The following REG3G variants were observed in gnomAD, a reference collection of about 807,000 sequenced individuals.
REG3G encodes the protein regenerating family member 3 gamma.
REG3G carries 19 observed loss-of-function variants against 20.9 expected under a neutral mutation model. The observed-to-expected ratio is 0.91, with a 90% CI of 0.64 to 1.34. The LOEUF (loss-of-function observed/expected upper bound fraction) is 1.34. Among genes scored for constraint, REG3G ranks in the 40% most tolerant of loss-of-function variants. The probability of loss-of-function intolerance (pLI) is 0.00; values close to 1 mark genes in which losing one functional copy is unlikely to be tolerated. For missense variants in REG3G, 235 were observed against 205.0 expected, an observed-to-expected ratio of 1.15 and a Z score of -0.89; for synonymous variants, 89 against 77.4, an observed-to-expected ratio of 1.15 and a Z score of -0.79.
At chr2:79,025,872 CT>C (rs1406286493) in intron 1 of REG3G, 99 bp downstream of exon 1, 2 of 538,708 alleles carry the variant, frequency 3.7e-6, no homozygotes, top group Non-Finnish European at 6.7e-6. Context: ...AGCACAGGAG[CT>C]CTGAGACTCA....
In REG3G at chr2:79,026,041, C is replaced by T. The variant is rs1671608683; in HGVS notation, c.-53C>T. ...GCAGTAGGATATCTGTGTGTCCTCC[C>T]GCTGACCACACTTCCTTTAGTGACC... On this transcript the variant is annotated 5_prime_UTR_variant, in exon 2 of 6. Transcript: ENST00000272324. 5 of 1,562,044 alleles carry T rather than the reference C, an allele frequency of 3.2e-6. No individual in the cohort carries two copies. Among genetic ancestry groups the T allele is most frequent in the African/African-American group, 1.4e-5 (1 of 73,928 alleles).
At chr2:79,027,576 A>G (rs1671656561) in intron 4 of REG3G, among the ~76,000 whole-genome samples, 1 of 152,174 alleles carries the variant, frequency 6.6e-6, no homozygotes. Flanking sequence ...TTCTGCAAGT[A>G]ACATATTACC....
rs1402639157 is a variant in REG3G, at chr2:79,027,143, T to C, written c.305T>C (p.Ile102Thr). Residue 102 changes from isoleucine to threonine, a missense_variant, in exon 4 of 6, where the codon ATC (isoleucine) becomes ACC (threonine). By Grantham distance (89) the Ile-to-Thr change is moderately conservative. Coordinates refer to ENST00000272324, the MANE Select transcript of REG3G (RefSeq NM_001008387.3). ...VRSISNSYSYIWIGLHDPTQG... is the reference protein window; with the variant it reads ...VRSISNSYSYTWIGLHDPTQG... The stretch of plus-strand genomic sequence containing the variant: ...AGCATTAGTAACAGCTATTCATACA[T>C]CTGGATTGGGCTCCATGACCCCACA... 1.9e-6 allele frequency: 3 copies of C among 1,613,826 alleles called. No individual in the cohort carries two copies. Among genetic ancestry groups the C allele is most frequent in the African/African-American group, 2.7e-5 (2 of 75,014 alleles).
chr2:79,026,254 G>C (rs1671617192), intron 2 of REG3G, 85 bp downstream of exon 2: 1 of 1,328,438 alleles, frequency 7.5e-7, no homozygotes, highest in Non-Finnish European at 1.1e-6. Context: ...TGTCACGTGA[G>C]GTAATGACGT....
rs779799276 is a variant in REG3G at position 79,026,140 on chromosome 2, C to T, written c.47C>T (p.Ser16Phe). The change falls in exon 2 of 6, where the codon TCC becomes TTC. Residue 16 changes from serine (S) to phenylalanine (F), a missense_variant. Coordinates refer to ENST00000272324, the MANE Select transcript of REG3G (RefSeq NM_001008387.3). ...ALPSVSWMLL[S>F]CLILLCQVQG... ...CCCAGTGTGTCCTGGATGCTGCTTT[C>T]CTGCCTCATTCTCCTGTGTCAGGTT... The T allele has an allele frequency of 2.8e-5, 45 of 1,613,878 alleles. No homozygotes were observed. The highest frequency in any genetic ancestry group is 1.7e-5 in the Admixed American group (1 of 59,992).
chr2:79,027,686 T>A lies in REG3G; in HGVS notation c.334-121T>A, dbSNP rs1173731557. 4.5e-6 allele frequency: 5 copies of A among 1,110,120 alleles called. No homozygotes were observed. In the Admixed American group the frequency reaches 6.2e-5, roughly 14 times the overall value. 68.8% of individuals were successfully genotyped at this position (1,110,120 alleles called of 1,614,324 possible). A position where few individuals can be genotyped will look rare whatever the true frequency, so the allele number is the denominator to read the frequency against. On this transcript the variant is annotated intron_variant, in intron 4 of 5. Coordinates refer to ENST00000272324, the MANE Select transcript of REG3G (RefSeq NM_001008387.3). ...CAGTGCAGAGGACTCTAGGGCAGCATCTGGAAGATCAGACCAAAATCCCTG... is the reference window on the plus strand; with the variant it reads ...CAGTGCAGAGGACTCTAGGGCAGCAACTGGAAGATCAGACCAAAATCCCTG...
In REG3G at chr2:79,026,144, C is replaced by A. The variant is rs760412018; in HGVS notation, c.51C>A (p.Cys17Ter). 2 of 1,613,862 alleles carry A rather than the reference C, an allele frequency of 1.2e-6. No homozygotes were observed. The highest frequency in any genetic ancestry group is 2.7e-5 in the African/African-American group (2 of 74,926). Reference sequence around the variant, plus strand: ...GTGTGTCCTGGATGCTGCTTTCCTGCCTCATTCTCCTGTGTCAGGTTCAAG... The same window carrying A: ...GTGTGTCCTGGATGCTGCTTTCCTGACTCATTCTCCTGTGTCAGGTTCAAG... The part of the protein sequence containing the change: ...LPSVSWMLLS[C>*]LILLCQVQGE... The change falls in exon 2 of 6, where the codon TGC becomes TGA. Residue 17 changes from cysteine (C) to a stop codon, truncating the protein, a stop_gained. Coordinates refer to ENST00000272324, the MANE Select transcript of REG3G (RefSeq NM_001008387.3). LOFTEE classifies it high-confidence loss of function.
chr2:79,026,299 A>T, intron 2 of REG3G, 130 bp downstream of exon 2: 1 of 853,606 alleles, frequency 1.2e-6, no homozygotes, highest in Non-Finnish European at 1.9e-6. Context: ...TTCCTGCATC[A>T]TCACTCCTTC....
At chr2:79,027,619 T>G (rs888501386) in intron 4 of REG3G, among the ~76,000 whole-genome samples, 188 bp from the exon 5 acceptor site, 2 of 152,152 alleles carry the variant, frequency 1.3e-5, no homozygotes, top group Non-Finnish European at 2.9e-5. Context: ...TGTTTATTGG[T>G]TGGGATTTTC....
chr2:79,026,145 C>T lies in REG3G; in HGVS notation c.52C>T (p.Leu18Phe). ...TGTGTCCTGGATGCTGCTTTCCTGC[C>T]TCATTCTCCTGTGTCAGGTTCAAGG... is the stretch of plus-strand genomic sequence containing the variant. ...PSVSWMLLSC[L>F]ILLCQVQGEE... is the part of the protein sequence containing the mutation. Residue 18 changes from leucine to phenylalanine, a missense_variant, in exon 2 of 6, where the codon CTC becomes TTC. Physicochemically the swap from Leu to Phe is conservative, Grantham distance 22. Coordinates refer to ENST00000272324, the MANE Select transcript of REG3G (RefSeq NM_001008387.3). 1.9e-6 allele frequency: 3 copies of T among 1,614,002 alleles called. No homozygotes were observed. Among genetic ancestry groups the T allele is most frequent in the Non-Finnish European group, 2.5e-6 (3 of 1,179,888 alleles).
Position 79,027,942 on chromosome 2 carries a change from C to G in REG3G, c.460+9C>G, listed in dbSNP as rs1376258569. On this transcript the variant is annotated intron_variant, in intron 5 of 5. Transcript: ENST00000272324. ...CCTGTCAAGAAGCACAGGTAAGAAACAGAAGAGCTGCCTCTTCCCAGCACT... is the reference window on the plus strand; with the variant it reads ...CCTGTCAAGAAGCACAGGTAAGAAAGAGAAGAGCTGCCTCTTCCCAGCACT... The G allele has an allele frequency of 1.9e-6, 3 of 1,613,678 alleles. No homozygotes were observed. In the African/African-American group the frequency reaches 4.0e-5, roughly 22 times the overall value.
Position 79,028,421 on chromosome 2 carries a change from T to C in REG3G, c.*145T>C. ...TCATGATCCTCCTTCTTTTTCCTTT[T>C]TCTTCACCTTCATTTCAGGCTTTTC... is the stretch of plus-strand genomic sequence containing the variant. On this transcript the variant is annotated 3_prime_UTR_variant, in exon 6 of 6. Coordinates refer to ENST00000272324, the MANE Select transcript of REG3G (RefSeq NM_001008387.3). 1 of 578,728 alleles carries C rather than the reference T, an allele frequency of 1.7e-6. No homozygotes were observed. Among genetic ancestry groups the C allele is most frequent in the Non-Finnish European group, 3.1e-6 (1 of 321,028 alleles). 35.8% of individuals were successfully genotyped at this position (578,728 alleles called of 1,614,324 possible). A position where few individuals can be genotyped will look rare whatever the true frequency, so the allele number is the denominator to read the frequency against.
intron 3 of REG3G, 41 bp from the exon 4 acceptor site, chr2:79,026,993 G>A (rs1671639898): frequency 1.9e-6 from 3 of 1,613,098 alleles, no homozygotes; most frequent in Non-Finnish European, 2.5e-6. Flanking sequence ...CTCCCTCAGT[G>A]GGTCTCAGGC....
In REG3G at chr2:79,026,735, G is replaced by A. The variant is rs757321738; in HGVS notation, c.99G>A (p.Leu33=). ...CAGGTGAAGAAACCCAGAAGGAACT[G>A]CCCTCTCCACGGATCAGCTGTCCCA... ...QVQGEETQKE[L]PSPRISCPKG... The change falls in exon 3 of 6, where the codon CTG becomes CTA. Residue 33 remains leucine, a synonymous_variant. Transcript: ENST00000272324. 3.1e-6 allele frequency: 5 copies of A among 1,613,738 alleles called. No individual in the cohort carries two copies. The Admixed American group carries it at 8.3e-5, about 27-fold the overall frequency.
chr2:79,026,397 T>A, intron 2 of REG3G: 1 of 602,678 alleles, frequency 1.7e-6, no homozygotes. Flanking sequence ...GACTCTAATA[T>A]ACACTGGTGG....
intron 4 of REG3G, among the ~76,000 whole-genome samples, chr2:79,027,551 C>T (rs1043207644): frequency 1.3e-5 from 2 of 152,320 alleles, no homozygotes; most frequent in South Asian, 4.1e-4. Flanking sequence ...ATCACAAATG[C>T]TACACCAATT....
chr2:79,027,033 G>T lies in REG3G; in HGVS notation c.196-1G>T. ...TCTCATTCTCTTTGTCCCCCTCAAA[G>T]CTGGCTTGCCAGAAGCGGCCCTCTG... is the stretch of plus-strand genomic sequence containing the variant. On this transcript the variant is annotated splice_acceptor_variant, in intron 3 of 5. Transcript: ENST00000272324. LOFTEE classifies it high-confidence loss of function. 6.2e-7 allele frequency: 1 copy of T among 1,614,034 alleles called. No homozygotes were observed. The highest frequency in any genetic ancestry group is 1.7e-4 in the Middle Eastern group (1 of 6,058).
Position 79,027,953 on chromosome 2 carries a change from C to A in REG3G, c.460+20C>A. 2 of 1,613,462 alleles carry A rather than the reference C, an allele frequency of 1.2e-6. No individual in the cohort carries two copies. Among genetic ancestry groups the A allele is most frequent in the Non-Finnish European group, 1.7e-6 (2 of 1,179,690 alleles). On this transcript the variant is annotated intron_variant, in intron 5 of 5. Transcript: ENST00000272324. ...GCACAGGTAAGAAACAGAAGAGCTG[C>A]CTCTTCCCAGCACTTTCCACTCCTC...
chr2:79,028,365 TC>T lies in REG3G; in HGVS notation c.*90del. 1.1e-6 allele frequency: 1 copy of T among 900,780 alleles called. No homozygotes were observed. The highest frequency in any genetic ancestry group is 2.4e-5 in the East Asian group (1 of 41,118). The allele number at this position is 900,780 out of a possible 1,614,324, so 55.8% of individuals were successfully genotyped here. A position where few individuals can be genotyped will look rare whatever the true frequency, so the allele number is the denominator to read the frequency against. On this transcript the variant is annotated 3_prime_UTR_variant, in exon 6 of 6. Coordinates refer to ENST00000272324, the MANE Select transcript of REG3G (RefSeq NM_001008387.3). ...GAAGACTCACCCTGGAAGAGAATATTCTCCCCAAACTGCCCTACCTGACTAC... is the reference window on the plus strand; with the variant it reads ...GAAGACTCACCCTGGAAGAGAATATTTCCCCAAACTGCCCTACCTGACTAC...
Sources: allele counts gnomAD v4.1 joint callset (sites outside exome capture counted in the v4.1 genomes callset), GRCh38; gene constraint gnomAD v4.1.1; transcripts MANE v1.5; gene names NCBI Gene and HGNC (gene_info 2026-07-23, HGNC 2026-07-21).